Variants in PLRG1 observed in about 807,000 individuals in gnomAD.
The protein encoded by PLRG1 is pleiotropic regulator 1 (PRL1 homolog, Arabidopsis).
Under a neutral mutation model 74.9 loss-of-function variants are expected in PLRG1, and 28 were observed. The ratio of observed to expected loss-of-function variants is 0.37; its 90% confidence interval spans 0.28 to 0.51. The LOEUF is 0.51. Ranked by LOEUF, PLRG1 falls within the 20% of genes least tolerant of loss-of-function variation. The pLI, the probability that PLRG1 is intolerant of heterozygous loss-of-function variation, is 0.91. For missense variants in PLRG1, 445 were observed against 631.9 expected, an observed-to-expected ratio of 0.70 and a Z score of 3.17; for synonymous variants, 197 against 212.4, an observed-to-expected ratio of 0.93 and a Z score of 0.63.
At chr4:154,550,166 T>A (rs1056310525) in intron 1 of PLRG1, 134 bp downstream of exon 1, 3 of 846,592 alleles carry the variant, frequency 3.5e-6, no homozygotes, top group Admixed American at 3.8e-5. Flanking sequence ...AAGAGACCAC[T>A]CGGCCTTGGC....
intron 7 of PLRG1, among the ~76,000 whole-genome samples, chr4:154,543,676 T>C (rs1560807888): frequency 6.6e-6 from 1 of 152,182 alleles, no homozygotes; most frequent in Non-Finnish European, 1.5e-5. Flanking sequence ...TATATCCTAA[T>C]TGTGGTAGTG....
At chr4:154,540,175 A>T (rs1016698603) in intron 10 of PLRG1, 122 bp from the exon 11 acceptor site, 2 of 638,168 alleles carry the variant, frequency 3.1e-6, no homozygotes, top group Admixed American at 5.5e-5. Context: ...TAATAAAGAA[A>T]ATGCTTAAGT....
rs1729715919 is a variant in PLRG1, at chr4:154,549,281, A to T, written c.10-346T>A. 3 of 359,120 alleles carry T rather than the reference A, an allele frequency of 8.4e-6. No homozygotes were observed. In the Admixed American group the frequency reaches 1.2e-4, roughly 14 times the overall value. The allele number at this position is 359,120 out of a possible 1,614,324, so 22.2% of individuals were successfully genotyped here. Reference sequence around the variant, plus strand: ...TGCTCAAGAGGAAACAGACAAATAAAAAGTAAAATAATTCCACATTTTGAT... The same window carrying T: ...TGCTCAAGAGGAAACAGACAAATAATAAGTAAAATAATTCCACATTTTGAT... On this transcript the variant is annotated intron_variant, in intron 1 of 14. Transcript: ENST00000499023.
chr4:154,550,236 C>T lies in PLRG1; in HGVS notation c.9+64G>A, dbSNP rs369489297. On this transcript the variant is annotated intron_variant, in intron 1 of 14. Transcript: ENST00000499023. ...GACTCCAAGTACTCTCAATCCCCCACGCGCACTGCCAAAAAAAACAGTCCA... is the reference window on the plus strand; with the variant it reads ...GACTCCAAGTACTCTCAATCCCCCATGCGCACTGCCAAAAAAAACAGTCCA... 1.6e-4 allele frequency: 226 copies of T among 1,416,524 alleles called. No individual in the cohort carries two copies. In the Middle Eastern group the frequency reaches 2.4e-3, roughly 15 times the overall value. 87.7% of individuals were successfully genotyped at this position (1,416,524 alleles called of 1,614,324 possible).
chr4:154,549,054 A>C, intron 1 of PLRG1, 119 bp from the exon 2 acceptor site: 1 of 676,716 alleles, frequency 1.5e-6, no homozygotes, highest in East Asian at 3.0e-5. Context: ...ACCACTCACC[A>C]TAGCTACTTG....
chr4:154,540,629 C>T lies in PLRG1; in HGVS notation c.904G>A (p.Val302Met). 1.2e-6 allele frequency: 2 copies of T among 1,613,346 alleles called. No individual in the cohort carries two copies. The highest frequency in any genetic ancestry group is 2.2e-5 in the East Asian group (1 of 44,886). The part of the protein sequence containing the change: ...YGLDLHPTID[V>M]LVTCSRDSTA... ...GAATCTCGACTACAGGTTACCAACA[C>T]ATCGATTGTCGGGTGCAAATCCAAA... Residue 302 changes from valine (V) to methionine (M), a missense_variant, in exon 10 of 15, where the codon GTG becomes ATG. By Grantham distance (21) the Val-to-Met change is conservative. Around this residue, in one of 3 missense-constraint regions of PLRG1, gnomAD observed 221 missense variants for 377.7 expected, o/e 0.59. Transcript: ENST00000499023.
rs760391281 is a variant in PLRG1 at position 154,550,297 on chromosome 4, T to C, written c.9+3A>G. Reference sequence around the variant, plus strand: ...ACTCTTGAGAGCCCCAGTGTCACTTTACCTCGACCATGATGCTACCGTGTA... The same window carrying C: ...ACTCTTGAGAGCCCCAGTGTCACTTCACCTCGACCATGATGCTACCGTGTA... On this transcript the variant is annotated splice_donor_region_variant and intron_variant, in intron 1 of 14. Coordinates refer to ENST00000499023, the MANE Select transcript of PLRG1 (RefSeq NM_002669.4). 1.5e-5 allele frequency: 24 copies of C among 1,613,582 alleles called. No individual in the cohort carries two copies. The East Asian group carries it at 1.6e-4, about 10-fold the overall frequency.
rs1729552900 is a variant in PLRG1, at chr4:154,541,342, C to G, written c.688-408G>C. 2.0e-5 allele frequency among the ~76,000 whole-genome samples: 3 copies of G among 151,994 alleles called. 1 individual carries two copies. The South Asian group carries it at 6.2e-4, about 31-fold the overall frequency. On this transcript the variant is annotated intron_variant, in intron 8 of 14. Coordinates refer to ENST00000499023, the MANE Select transcript of PLRG1 (RefSeq NM_002669.4). The stretch of plus-strand genomic sequence containing the variant: ...AGATTAAGTATCCATTTTTGCTTAC[C>G]ATATTAGATATTTGTAAAGGAATGT...
intron 8 of PLRG1, among the ~76,000 whole-genome samples, chr4:154,541,215 A>C (rs1729550546): frequency 6.6e-6 from 1 of 152,224 alleles, no homozygotes; most frequent in Non-Finnish European, 1.5e-5. Flanking sequence ...ATGGTATTAA[A>C]TTAACTGAGG....
chr4:154,539,033 A>C lies in PLRG1; in HGVS notation c.1151+72T>G, dbSNP rs181044496. 1,913 of 900,074 alleles carry C rather than the reference A, an allele frequency of 2.1e-3. 8 individuals are homozygous for C. Among genetic ancestry groups the C allele is most frequent in the Non-Finnish European group, 2.8e-3 (1,481 of 532,868 alleles). 55.8% of individuals were successfully genotyped at this position (900,074 alleles called of 1,614,324 possible). A position where few individuals can be genotyped will look rare whatever the true frequency, so the allele number is the denominator to read the frequency against. On this transcript the variant is annotated intron_variant, in intron 12 of 14. Coordinates refer to ENST00000499023, the MANE Select transcript of PLRG1 (RefSeq NM_002669.4). ...TAAATGACTGCCAAAAGCAGTGCTA[A>C]CACCACTAGCATTTCAGCATTATCT...
intron 4 of PLRG1, 109 bp downstream of exon 4, chr4:154,546,901 TA>T: frequency 1.2e-6 from 1 of 816,092 alleles, no homozygotes; most frequent in Non-Finnish European, 2.2e-6. Flanking sequence ...GATGCTTGGC[TA>T]CTGAGCTTAT....
chr4:154,542,393 A>C, intron 7 of PLRG1, 114 bp from the exon 8 acceptor site: 1 of 648,182 alleles, frequency 1.5e-6, no homozygotes, highest in Non-Finnish European at 2.8e-6. Context: ...AAAGATAATG[A>C]CTATTACATT....
Position 154,540,600 on chromosome 4 carries a change from A to G in PLRG1, c.933T>C (p.Thr311=), listed in dbSNP as rs901537451. Residue 311 remains threonine, a synonymous_variant, in exon 10 of 15, where the codon ACT becomes ACC. Transcript: ENST00000499023. Reference sequence around the variant, plus strand: ...ACAACTCTATCCCATTTACCCGTGCAGTTGAATCTCGACTACAGGTTACCA... The same window carrying G: ...ACAACTCTATCCCATTTACCCGTGCGGTTGAATCTCGACTACAGGTTACCA... ...DVLVTCSRDS[T]ARIWDVRTKA... is the part of the protein sequence containing the mutation. 2 of 1,602,574 alleles carry G rather than the reference A, an allele frequency of 1.2e-6. No individual in the cohort carries two copies. The highest frequency in any genetic ancestry group is 1.7e-6 in the Non-Finnish European group (2 of 1,169,490).
At chr4:154,542,667 G>A (rs1290097415) in intron 7 of PLRG1, among the ~76,000 whole-genome samples, 1 of 152,162 alleles carries the variant, frequency 6.6e-6, no homozygotes, top group Non-Finnish European at 1.5e-5. Context: ...TAAATAAAAT[G>A]TGGTACATAC....
Position 154,537,959 on chromosome 4 carries a change from C to T in PLRG1, c.1291+10G>A, listed in dbSNP as rs1019418111. The T allele has an allele frequency of 5.0e-6, 7 of 1,398,824 alleles. No individual in the cohort carries two copies. In the Admixed American group the frequency reaches 1.6e-4, roughly 31 times the overall value. The allele number at this position is 1,398,824 out of a possible 1,614,324, so 86.7% of individuals were successfully genotyped here. On this transcript the variant is annotated intron_variant, in intron 13 of 14. Transcript: ENST00000499023. ...GACTAAACATATTTATTATAAAAAT[C>T]TTATTTTACCTCCAGATACAAGCAC...
At position 154,550,392 on chromosome 4, in the gene PLRG1, T is replaced by C. The variant is rs1462957135; in HGVS notation, c.-84A>G. On this transcript the variant is annotated 5_prime_UTR_variant, in exon 1 of 15. Coordinates refer to ENST00000499023, the MANE Select transcript of PLRG1 (RefSeq NM_002669.4). ...CCGCCGCCACAGCTGTGCAGCACCT[T>C]CCGGAATTGGGCGCCCAGGCGGCGG... is the stretch of plus-strand genomic sequence containing the variant. The C allele has an allele frequency of 1.5e-6, 2 of 1,367,724 alleles. No homozygotes were observed. Among genetic ancestry groups the C allele is most frequent in the African/African-American group, 1.4e-5 (1 of 69,000 alleles). The allele number at this position is 1,367,724 out of a possible 1,614,324, so 84.7% of individuals were successfully genotyped here.
chr4:154,543,278 G>T (rs556045027), intron 7 of PLRG1, among the ~76,000 whole-genome samples: 4 of 152,198 alleles, frequency 2.6e-5, no homozygotes, highest in Non-Finnish European at 5.9e-5. Context: ...CTCTGGAGTA[G>T]CTGGGACTAC....
At chr4:154,537,731 C>A (rs1729476564) in intron 13 of PLRG1, among the ~76,000 whole-genome samples, 1 of 151,990 alleles carries the variant, frequency 6.6e-6, no homozygotes, top group Non-Finnish European at 1.5e-5. Flanking sequence ...TTAAGCAATT[C>A]CCAGCATAAA....
chr4:154,545,867 G>C lies in PLRG1; in HGVS notation c.461C>G (p.Ser154Cys), dbSNP rs146470818. ...SGSEYRHPGA[S>C]DRPQPTAMNS... ...CATCGCTGTAGGCTGTGGACGGTCA[G>C]AAGCCCCAGGATGTCGGTATTCACT... Residue 154 changes from serine (S) to cysteine (C), a missense_variant, in exon 6 of 15, where the codon TCT (serine) becomes TGT (cysteine). Around this residue, in one of 3 missense-constraint regions of PLRG1, gnomAD observed 206 missense variants for 210.8 expected, o/e 0.98. Coordinates refer to ENST00000499023, the MANE Select transcript of PLRG1 (RefSeq NM_002669.4). 6.2e-6 allele frequency: 10 copies of C among 1,612,586 alleles called. No individual in the cohort carries two copies. In the East Asian group the frequency reaches 1.6e-4, roughly 25 times the overall value.
Sources: allele counts gnomAD v4.1 joint callset (sites outside exome capture counted in the v4.1 genomes callset), GRCh38; gene constraint gnomAD v4.1.1; regional missense constraint gnomAD v4.1.1; transcripts MANE v1.5; gene names NCBI Gene and HGNC (gene_info 2026-07-23, HGNC 2026-07-21).